The following TMEM164 variants were observed in gnomAD, a reference collection of about 807,000 sequenced individuals.
TMEM164 encodes transmembrane protein 164, also known as RP13-360B22.2.
Under a neutral mutation model 18.8 loss-of-function variants are expected in TMEM164, and 4 were observed. The observed-to-expected ratio is 0.21, with a 90% confidence interval of 0.10 to 0.49. TMEM164 has a LOEUF of 0.49. Ranked by LOEUF, TMEM164 falls within the 20% of genes least tolerant of loss-of-function variation. The pLI, the probability that TMEM164 is intolerant of heterozygous loss-of-function variation, is 0.98. For synonymous variants in TMEM164, 86 were observed against 101.7 expected, an observed-to-expected ratio of 0.85 and a Z score of 0.93; for missense variants, 108 against 239.9, an observed-to-expected ratio of 0.45 and a Z score of 3.63.
intron 4 of TMEM164, among the ~76,000 whole-genome samples, chrX:110,126,924 G>A (rs936835537): frequency 3.8e-5 from 4 of 106,387 alleles, no homozygotes; most frequent in African/African-American, 6.9e-5. Context: ...ATGACTGATT[G>A]AAGAGAAGGT....
chrX:110,087,957 G>A (rs1381321375), intron 3 of TMEM164, among the ~76,000 whole-genome samples: 3 of 111,867 alleles, frequency 2.7e-5, no homozygotes, highest in African/African-American at 6.5e-5. Flanking sequence ...CAAGGTAGAC[G>A]AGGGAAGCAT....
chrX:110,171,182 TAA>T (rs760648501), intron 5 of TMEM164, among the ~76,000 whole-genome samples: 5 of 111,723 alleles, frequency 4.5e-5, no homozygotes, highest in Non-Finnish European at 7.5e-5. Context: ...CTTTTATGAT[TAA>T]AAAAAGAGTC....
chrX:110,060,627 T>C (rs1453252647), intron 2 of TMEM164, among the ~76,000 whole-genome samples: 4 of 112,140 alleles, frequency 3.6e-5, no homozygotes, highest in East Asian at 2.8e-4. Context: ...CCAGTTTTTT[T>C]CACAAATGTC....
In TMEM164 at chrX:110,173,535, T is replaced by C; in HGVS notation, c.*84T>C. On this transcript the variant is annotated 3_prime_UTR_variant, in exon 7 of 7. Transcript: ENST00000372068. Reference sequence around the variant, plus strand: ...GAACACCCAGTTCTTGATAAAATCATGGGAGAGGGCAGTAGGATGTTTGGT... The same window carrying C: ...GAACACCCAGTTCTTGATAAAATCACGGGAGAGGGCAGTAGGATGTTTGGT... 1.2e-6 allele frequency: 1 copy of C among 805,700 alleles called. No homozygotes were observed. The highest frequency in any genetic ancestry group is 2.1e-5 in the African/African-American group (1 of 48,538). 66.4% of individuals were successfully genotyped at this position (805,700 alleles called of 1,213,427 possible).
In TMEM164 at chrX:110,030,421, C is replaced by CT. The variant is rs367617232; in HGVS notation, c.390+26272dup. ...GGGCATGAGCCATCGCATTCGGCCTCTTTTTTTTTTTTTTTAACATTTTTT... is the reference window on the plus strand; with the variant it reads ...GGGCATGAGCCATCGCATTCGGCCTCTTTTTTTTTTTTTTTTAACATTTTTT... On this transcript the variant is annotated intron_variant, in intron 2 of 6. Coordinates refer to ENST00000372068, the MANE Select transcript of TMEM164 (RefSeq NM_032227.4). 2.1e-3 allele frequency among the ~76,000 whole-genome samples: 187 copies of CT among 90,838 alleles called. 1 individual carries two copies. Among genetic ancestry groups the CT allele is most frequent in the Non-Finnish European group, 2.2e-3 (100 of 44,945 alleles). The allele number at this position is 90,838 out of a possible 115,157, so 78.9% of individuals were successfully genotyped here. A position where few individuals can be genotyped will look rare whatever the true frequency, so the allele number is the denominator to read the frequency against.
chrX:110,181,112 C>G (rs540159122), downstream of TMEM164, among the ~76,000 whole-genome samples: 2 of 111,244 alleles, frequency 1.8e-5, no homozygotes, highest in South Asian at 7.7e-4. Flanking sequence ...CCCTGGGGAG[C>G]TTTAAAAATC....
intron 3 of TMEM164, among the ~76,000 whole-genome samples, chrX:110,091,023 C>A (rs1477932903): frequency 1.8e-5 from 2 of 111,443 alleles, no homozygotes; most frequent in Non-Finnish European, 3.8e-5. Context: ...CATGTCCCTA[C>A]AAAGGACATG....
At chrX:110,064,978 C>T (rs1264306773) in intron 2 of TMEM164, 5 of 69,735 alleles carry the variant, frequency 7.2e-5, no homozygotes, top group Non-Finnish European at 1.2e-4. Context: ...GCCTGGATAA[C>T]AGAGTGAGAC....
chrX:110,064,502 T>A (rs1197584294), intron 2 of TMEM164, among the ~76,000 whole-genome samples: 2 of 111,524 alleles, frequency 1.8e-5, no homozygotes, highest in African/African-American at 6.5e-5. Flanking sequence ...CATGACAGGG[T>A]GAAGAGGTTC....
At chrX:110,153,848 A>G (rs1286498004) in intron 5 of TMEM164, among the ~76,000 whole-genome samples, 1 of 111,785 alleles carries the variant, frequency 8.9e-6, no homozygotes, top group Non-Finnish European at 1.9e-5. Flanking sequence ...TCTCCTTCCC[A>G]TGTGGCCCAG....
downstream of TMEM164, among the ~76,000 whole-genome samples, chrX:110,178,492 G>C (rs112611192): frequency 0.028 from 3,076 of 111,835 alleles, 102 homozygotes; most frequent in African/African-American, 0.095. Context: ...TTCAGGAAGA[G>C]AGCTGAAAAA....
At chrX:110,075,516 G>A (rs1011928254) in intron 3 of TMEM164, among the ~76,000 whole-genome samples, 10 of 111,292 alleles carry the variant, frequency 9.0e-5, no homozygotes, top group African/African-American at 2.9e-4. Flanking sequence ...TGGTGAGAGC[G>A]GGCATCCTTG....
intron 2 of TMEM164, among the ~76,000 whole-genome samples, chrX:110,038,030 G>A (rs995084477): frequency 5.9e-5 from 5 of 85,265 alleles, no homozygotes; most frequent in African/African-American, 1.9e-4. Context: ...TCGCTCTGTC[G>A]CCCAGGCTGG....
rs376821512 is a variant in TMEM164, at chrX:110,017,008, A to G, written c.390+12844A>G. On this transcript the variant is annotated intron_variant, in intron 2 of 6. Coordinates refer to ENST00000372068, the MANE Select transcript of TMEM164 (RefSeq NM_032227.4). Reference sequence around the variant, plus strand: ...GCTTCTAGCTGATTTCCCCTTTGGTAGACTATAGGCACTGGATGTTCTAGC... The same window carrying G: ...GCTTCTAGCTGATTTCCCCTTTGGTGGACTATAGGCACTGGATGTTCTAGC... Among the ~76,000 whole-genome samples, 5 of 112,069 alleles carry G rather than the reference A, an allele frequency of 4.5e-5. No individual in the cohort carries two copies. The East Asian group carries it at 1.4e-3, about 31-fold the overall frequency.
chrX:110,071,091 G>T (rs2065580654), intron 3 of TMEM164, among the ~76,000 whole-genome samples: 1 of 109,603 alleles, frequency 9.1e-6, no homozygotes, highest in Non-Finnish European at 1.9e-5. Context: ...ATTTGCTGTT[G>T]GTGTTTGTTA....
chrX:110,117,481 C>T (rs1302842269), intron 4 of TMEM164, among the ~76,000 whole-genome samples: 2 of 112,007 alleles, frequency 1.8e-5, no homozygotes, highest in Non-Finnish European at 3.8e-5. Context: ...TGAAATGTTT[C>T]TAACACATAG....
chrX:110,056,210 T>A (rs1935822153), intron 2 of TMEM164, among the ~76,000 whole-genome samples: 1 of 104,858 alleles, frequency 9.5e-6, no homozygotes, highest in Non-Finnish European at 2.0e-5. Flanking sequence ...CCCTAAGCAA[T>A]TGTTAATCTA....
At chrX:110,092,013 G>A (rs1265200538) in intron 3 of TMEM164, among the ~76,000 whole-genome samples, 2 of 111,771 alleles carry the variant, frequency 1.8e-5, no homozygotes, top group African/African-American at 3.2e-5. Context: ...GAGATCAGAT[G>A]GTTGTAGATG....
intron 2 of TMEM164, among the ~76,000 whole-genome samples, chrX:110,054,936 C>G (rs1012417962): frequency 9.0e-6 from 1 of 111,454 alleles, no homozygotes; most frequent in Admixed American, 9.5e-5. Flanking sequence ...GTACCTGAAG[C>G]CAAATTAAAC....
Sources: gnomAD v4.1 joint callset for allele counts (sites outside exome capture counted in the v4.1 genomes callset) on GRCh38, gnomAD v4.1.1 for gene constraint, MANE v1.5 for transcripts, NCBI Gene and HGNC (gene_info 2026-07-23, HGNC 2026-07-21) for gene names.